Variants in COL4A1 observed in about 807,000 individuals in gnomAD.
The protein encoded by COL4A1 is collagen type IV alpha 1 chain, also known as collagen alpha-1(IV) chain.
In COL4A1, 40 loss-of-function variants were observed where a neutral mutation model predicts 216.6. The observed-to-expected ratio is 0.18, with a 90% CI of 0.14 to 0.24. The LOEUF (loss-of-function observed/expected upper bound fraction) is 0.24. COL4A1 is among the 10% of genes least tolerant of loss of function. The probability of loss-of-function intolerance (pLI) is 1.00; values close to 1 mark genes in which losing one functional copy is unlikely to be tolerated. For missense variants in COL4A1, 1,628 were observed against 2,196.8 expected (o/e 0.74, Z 5.18); for synonymous variants, 839 against 810.7 (o/e 1.03, Z -0.59).
At position 110,183,230 on chromosome 13, in the gene COL4A1, A is replaced by T; in HGVS notation, c.1944T>A (p.Pro648=). 1 of 1,613,842 alleles carries T rather than the reference A, an allele frequency of 6.2e-7. No individual in the cohort carries two copies. The highest frequency in any genetic ancestry group is 1.1e-5 in the South Asian group (1 of 91,052). Reference sequence around the variant, plus strand: ...GGGACCCCGGCAGTCCTTCTGCTCCAGGGGGGCCTGGTAAAGGAACAATTT... The same window carrying T: ...GGGACCCCGGCAGTCCTTCTGCTCCTGGGGGGCCTGGTAAAGGAACAATTT... ...PGKIVPLPGP[P]GAEGLPGSPG... is the part of the protein sequence containing the mutation. The change falls in exon 27 of 52, where the codon CCT becomes CCA. Residue 648 remains proline (P), a synonymous_variant. Coordinates refer to ENST00000375820, the MANE Select transcript of COL4A1 (RefSeq NM_001845.6).
chr13:110,306,801 AC>A, intron 1 of COL4A1, 142 bp downstream of exon 1: 2 of 684,556 alleles, frequency 2.9e-6, no homozygotes, highest in Admixed American at 4.3e-5. Context: ...CCCCCAACGA[AC>A]CCCGGCCCAG....
chr13:110,205,584 T>A, intron 15 of COL4A1, 46 bp from the exon 16 acceptor site: 2 of 1,603,244 alleles, frequency 1.2e-6, no homozygotes, highest in Middle Eastern at 3.3e-4. Flanking sequence ...AATAATAGAC[T>A]GCGCGCGGTG....
intron 1 of COL4A1, among the ~76,000 whole-genome samples, chr13:110,267,167 G>A (rs991842689): frequency 6.6e-6 from 1 of 152,118 alleles, no homozygotes; most frequent in Non-Finnish European, 1.5e-5. Context: ...AAGGATTTCC[G>A]GTCACCCAGT....
intron 18 of COL4A1, among the ~76,000 whole-genome samples, chr13:110,202,143 C>T (rs1226733929): frequency 2.0e-5 from 3 of 150,902 alleles, no homozygotes; most frequent in Non-Finnish European, 4.4e-5. Flanking sequence ...GATGGAGTAA[C>T]ATCAATTTGA....
At chr13:110,254,350 A>G (rs947932445) in intron 1 of COL4A1, among the ~76,000 whole-genome samples, 6 of 152,118 alleles carry the variant, frequency 3.9e-5, no homozygotes, top group African/African-American at 1.4e-4. Flanking sequence ...CCATCAACAG[A>G]ACTCTCTTTG....
At position 110,172,704 on chromosome 13, in the gene COL4A1, A is replaced by T; in HGVS notation, c.3556+16T>A. ...GCGGTTGGTTGAAAAGGAAGAGCAC[A>T]GTGAGCAAAGATTACCTTTGTCTCC... On this transcript the variant is annotated intron_variant, in intron 41 of 51. Coordinates refer to ENST00000375820, the MANE Select transcript of COL4A1 (RefSeq NM_001845.6). The T allele has an allele frequency of 6.2e-7, 1 of 1,612,866 alleles. No homozygotes were observed. The highest frequency in any genetic ancestry group is 8.5e-7 in the Non-Finnish European group (1 of 1,178,812).
intron 2 of COL4A1, among the ~76,000 whole-genome samples, chr13:110,237,903 A>G (rs1881393545): frequency 1.3e-5 from 2 of 152,240 alleles, no homozygotes; most frequent in Non-Finnish European, 2.9e-5. Context: ...TCAGCCATAC[A>G]CGACATTAAA....
chr13:110,155,156 A>G, intron 50 of COL4A1, 127 bp downstream of exon 50: 1 of 759,710 alleles, frequency 1.3e-6, no homozygotes. Context: ...GGATGGTTGG[A>G]GGAAGAAGGA....
rs551933570 is a variant in COL4A1 at position 110,227,631 on chromosome 13, ACCCTGAAATGGCCTT to A, written c.145-13631_145-13617del. ...GCAAGAGAGGGCCAGTCAGCCATGC[ACCCTGAAATGGCCTT>A]CCCTTGATTCCCAAATATACAATTG... On this transcript the variant is annotated intron_variant, in intron 2 of 51. Coordinates refer to ENST00000375820, the MANE Select transcript of COL4A1 (RefSeq NM_001845.6). Among the ~76,000 whole-genome samples the A allele has an allele frequency of 7.8e-4, 119 of 152,214 alleles. 2 individuals are homozygous for A. The South Asian group carries it at 0.024, about 31-fold the overall frequency.
chr13:110,243,778 A>C (rs1352424688), intron 1 of COL4A1, among the ~76,000 whole-genome samples: 1 of 152,270 alleles, frequency 6.6e-6, no homozygotes, highest in Non-Finnish European at 1.5e-5. Flanking sequence ...CATAACAAGC[A>C]TTTCAAGATA....
chr13:110,212,387 C>G lies in COL4A1; in HGVS notation c.387+30G>C, dbSNP rs1206815067. ...TATGCAAAAATTACGTAAACACACA[C>G]AAAAAGGAGGGTCTCGGTTCTGGAT... On this transcript the variant is annotated intron_variant, in intron 6 of 51. Coordinates refer to ENST00000375820, the MANE Select transcript of COL4A1 (RefSeq NM_001845.6). 5 of 1,612,090 alleles carry G rather than the reference C, an allele frequency of 3.1e-6. No homozygotes were observed. The East Asian group carries it at 6.7e-5, about 22-fold the overall frequency.
intron 1 of COL4A1, among the ~76,000 whole-genome samples, chr13:110,306,584 C>A (rs556614949): frequency 6.6e-6 from 1 of 152,328 alleles, no homozygotes; most frequent in South Asian, 2.1e-4. Flanking sequence ...CCCCAACTCC[C>A]TCGCGCACCC....
intron 1 of COL4A1, among the ~76,000 whole-genome samples, chr13:110,264,323 T>C (rs1882941408): frequency 6.6e-6 from 1 of 152,208 alleles, no homozygotes; most frequent in Non-Finnish European, 1.5e-5. Flanking sequence ...AGTAGAATCA[T>C]TCATTCTGTC....
At position 110,275,838 on chromosome 13, in the gene COL4A1, A is replaced by G. The variant is rs536359226; in HGVS notation, c.84+31106T>C. Among the ~76,000 whole-genome samples, 7 of 152,328 alleles carry G rather than the reference A, an allele frequency of 4.6e-5. No individual in the cohort carries two copies. The South Asian group carries it at 1.2e-3, about 27-fold the overall frequency. On this transcript the variant is annotated intron_variant, in intron 1 of 51. Coordinates refer to ENST00000375820, the MANE Select transcript of COL4A1 (RefSeq NM_001845.6). ...CGATTCCAACTATAAGACAACTATA[A>G]GAGAGTCTGGAAAATGCAAAACTAC...
At position 110,253,314 on chromosome 13, in the gene COL4A1, C is replaced by T. The variant is rs182782229; in HGVS notation, c.85-10580G>A. On this transcript the variant is annotated intron_variant, in intron 1 of 51. Coordinates refer to ENST00000375820, the MANE Select transcript of COL4A1 (RefSeq NM_001845.6). ...CATATACATATAATTATATGTATTA[C>T]ATATACATATAATTATATGTATTAC... Among the ~76,000 whole-genome samples the T allele has an allele frequency of 3.1e-3, 108 of 34,576 alleles. 17 individuals carry two copies. The highest frequency in any genetic ancestry group is 5.9e-3 in the African/African-American group (86 of 14,556). The allele number at this position is 34,576 out of a possible 152,430, so 22.7% of individuals were successfully genotyped here.
chr13:110,189,264 T>C (rs753802755), intron 24 of COL4A1, among the ~76,000 whole-genome samples: 15 of 152,178 alleles, frequency 9.9e-5, no homozygotes, highest in Non-Finnish European at 1.8e-4. Flanking sequence ...GGTTTCTCCA[T>C]GTTGGTCAGG....
Position 110,304,657 on chromosome 13 carries a change from G to A in COL4A1, c.84+2287C>T, listed in dbSNP as rs112734967. On this transcript the variant is annotated intron_variant, in intron 1 of 51. Transcript: ENST00000375820. The stretch of plus-strand genomic sequence containing the variant: ...CGGGGAGTAGAGTGGTAGGTTCAGC[G>A]TGGGATAAAATCAATGGTTTAGAAA... 2.3e-3 allele frequency among the ~76,000 whole-genome samples: 351 copies of A among 152,316 alleles called. 3 individuals are homozygous for A. Among genetic ancestry groups the A allele is most frequent in the African/African-American group, 7.3e-3 (304 of 41,572 alleles).
At chr13:110,228,173 T>C (rs1239272518) in intron 2 of COL4A1, among the ~76,000 whole-genome samples, 1 of 146,258 alleles carries the variant, frequency 6.8e-6, no homozygotes, top group African/African-American at 2.5e-5. Context: ...ATCACCCACA[T>C]GCTTCCAGAG....
chr13:110,234,598 A>C (rs1277159587), intron 2 of COL4A1, among the ~76,000 whole-genome samples: 3 of 152,104 alleles, frequency 2.0e-5, no homozygotes, highest in Admixed American at 1.3e-4. Context: ...GAAAAAGAAA[A>C]AAACAGGGGG....
Sources: gnomAD v4.1 joint callset for allele counts (sites outside exome capture counted in the v4.1 genomes callset) on GRCh38, gnomAD v4.1.1 for gene constraint, MANE v1.5 for transcripts, NCBI Gene and HGNC (gene_info 2026-07-23, HGNC 2026-07-21) for gene names.